CPA6: variants seen among roughly 807,000 people sequenced by gnomAD.
CPA6 encodes the protein carboxypeptidase B.
Under a neutral mutation model 63.3 loss-of-function variants are expected in CPA6, and 58 were observed. That is an observed-to-expected ratio of 0.92 (90% confidence interval 0.74 to 1.14). The LOEUF (loss-of-function observed/expected upper bound fraction) is 1.14, where lower values mean the gene tolerates loss of function less well. Ranked by LOEUF, CPA6 falls within the 50% of genes most tolerant of loss-of-function variation. The pLI is 0.00. For missense variants in CPA6, 565 were observed against 526.6 expected, an observed-to-expected ratio of 1.07 and a Z score of -0.71; for synonymous variants, 185 against 179.0, an observed-to-expected ratio of 1.03 and a Z score of -0.27.
rs992439671 is a variant in CPA6 at position 67,537,046 on chromosome 8, G to A, written c.193-18999C>T. ...AGACTTGCATCCCAGGGATGAAGCC[G>A]ACTTGATCATGGTGGACAAGCTTTT... On this transcript the variant is annotated intron_variant, in intron 2 of 10. Transcript: ENST00000297770. Among the ~76,000 whole-genome samples the A allele has an allele frequency of 7.2e-5, 11 of 152,230 alleles. No homozygotes were observed. In the South Asian group the frequency reaches 1.2e-3, roughly 17 times the overall value.
At chr8:67,467,268 C>CAAAGCTTCA (rs1554665793) in intron 8 of CPA6, among the ~76,000 whole-genome samples, 1 of 152,188 alleles carries the variant, frequency 6.6e-6, no homozygotes, top group Non-Finnish European at 1.5e-5. Context: ...AATCTTCCTG[C>CAAAGCTTCA]AAAGCTTCAA....
intron 1 of CPA6, among the ~76,000 whole-genome samples, chr8:67,679,639 G>C (rs983212736): frequency 4.6e-5 from 7 of 152,302 alleles, no homozygotes; most frequent in South Asian, 2.1e-4. Flanking sequence ...ATCATCCCCA[G>C]GGGTATCCAT....
intron 6 of CPA6, among the ~76,000 whole-genome samples, chr8:67,503,690 AT>A (rs937815194): frequency 8.6e-5 from 13 of 151,974 alleles, no homozygotes; most frequent in African/African-American, 2.9e-4. Context: ...AATTGATTTT[AT>A]TGTTTATTAT....
intron 1 of CPA6, among the ~76,000 whole-genome samples, chr8:67,657,531 T>G (rs1252204522): frequency 6.6e-6 from 1 of 152,194 alleles, no homozygotes. Flanking sequence ...CAACCCATCT[T>G]CCTTGCTAAG....
chr8:67,745,005 C>A (rs1042342971), intron 1 of CPA6, among the ~76,000 whole-genome samples: 1 of 152,184 alleles, frequency 6.6e-6, no homozygotes, highest in East Asian at 1.9e-4. Flanking sequence ...AAATACAATT[C>A]TCTTTTCCAG....
At chr8:67,618,324 T>C (rs1815004692) in intron 2 of CPA6, among the ~76,000 whole-genome samples, 1 of 152,200 alleles carries the variant, frequency 6.6e-6, no homozygotes, top group African/African-American at 2.4e-5. Context: ...CAGTTGGATG[T>C]TTGAGTTTAC....
At chr8:67,475,894 C>CTCT (rs1563968126) in intron 8 of CPA6, among the ~76,000 whole-genome samples, 17 of 63,546 alleles carry the variant, frequency 2.7e-4, no homozygotes, top group Admixed American at 1.7e-4. Flanking sequence ...TTCTTTCTTT[C>CTCT]TTTCTTTCTT....
intron 1 of CPA6, among the ~76,000 whole-genome samples, chr8:67,713,982 C>A (rs1052579679): frequency 3.3e-5 from 5 of 152,100 alleles, no homozygotes; most frequent in African/African-American, 1.2e-4. Flanking sequence ...TTTAATCCTT[C>A]TGGTTTTACG....
chr8:67,527,124 T>C (rs1444608983), intron 2 of CPA6, among the ~76,000 whole-genome samples: 1 of 152,204 alleles, frequency 6.6e-6, no homozygotes, highest in Non-Finnish European at 1.5e-5. Flanking sequence ...CACCAAGTAA[T>C]AGAGATTTTC....
intron 2 of CPA6, among the ~76,000 whole-genome samples, chr8:67,613,247 GA>G (rs1229094175): frequency 6.6e-6 from 1 of 152,074 alleles, no homozygotes; most frequent in African/African-American, 2.4e-5. Flanking sequence ...TATCATGATT[GA>G]AAATAAATTA....
intron 2 of CPA6, among the ~76,000 whole-genome samples, chr8:67,572,807 C>A (rs1813518606): frequency 6.6e-6 from 1 of 152,126 alleles, no homozygotes; most frequent in Non-Finnish European, 1.5e-5. Flanking sequence ...AACCTGACAC[C>A]AAGGCCGGAC....
intron 1 of CPA6, among the ~76,000 whole-genome samples, chr8:67,734,874 AT>A (rs1201743033): frequency 1.3e-5 from 2 of 152,220 alleles, no homozygotes; most frequent in African/African-American, 4.8e-5. Flanking sequence ...TGATTCATGA[AT>A]TAGTCTGGTA....
intron 1 of CPA6, among the ~76,000 whole-genome samples, chr8:67,668,426 A>T (rs1163868630): frequency 6.6e-6 from 1 of 152,244 alleles, no homozygotes; most frequent in East Asian, 1.9e-4. Flanking sequence ...AGTGTGAAAT[A>T]GTTACTTCAG....
At position 67,544,842 on chromosome 8, in the gene CPA6, A is replaced by T. The variant is rs181984188; in HGVS notation, c.193-26795T>A. ...TTACTGCGACTCCCCCTTCTTACCC[A>T]CGCAGCTGCCTTTCACTTAATGATA... On this transcript the variant is annotated intron_variant, in intron 2 of 10. Coordinates refer to ENST00000297770, the MANE Select transcript of CPA6 (RefSeq NM_020361.5). Among the ~76,000 whole-genome samples, 181 of 152,088 alleles carry T rather than the reference A, an allele frequency of 1.2e-3. 1 individual carries two copies. The highest frequency in any genetic ancestry group is 3.1e-3 in the Admixed American group (48 of 15,286).
chr8:67,609,531 C>A (rs1814748609), intron 2 of CPA6, among the ~76,000 whole-genome samples: 1 of 152,138 alleles, frequency 6.6e-6, no homozygotes, highest in South Asian at 2.1e-4. Context: ...TCTTGACCAA[C>A]CTTGTCCAAG....
chr8:67,663,754 T>G (rs1260079144), intron 1 of CPA6, among the ~76,000 whole-genome samples: 1 of 152,220 alleles, frequency 6.6e-6, no homozygotes, highest in Non-Finnish European at 1.5e-5. Context: ...GTACCACATT[T>G]TCTTTGTCCA....
intron 8 of CPA6, among the ~76,000 whole-genome samples, chr8:67,474,456 C>G (rs1488801885): frequency 6.6e-6 from 1 of 152,012 alleles, no homozygotes; most frequent in Non-Finnish European, 1.5e-5. Flanking sequence ...TTCCTGACCT[C>G]GTGATCCACC....
intron 1 of CPA6, among the ~76,000 whole-genome samples, chr8:67,727,812 C>T (rs536875898): frequency 6.6e-6 from 1 of 152,314 alleles, no homozygotes; most frequent in Admixed American, 6.5e-5. Context: ...GACGCAGTGG[C>T]TCATGCCTGT....
chr8:67,521,273 C>G (rs1266004506), intron 2 of CPA6, among the ~76,000 whole-genome samples: 1 of 152,248 alleles, frequency 6.6e-6, no homozygotes, highest in Non-Finnish European at 1.5e-5. Context: ...CACATATATA[C>G]AGACATATTT....
Sources: gnomAD v4.1 joint callset for allele counts (sites outside exome capture counted in the v4.1 genomes callset) on GRCh38, gnomAD v4.1.1 for gene constraint, MANE v1.5 for transcripts, NCBI Gene and HGNC (gene_info 2026-07-23, HGNC 2026-07-21) for gene names.